The following PIH1D1 variants were observed in gnomAD, a reference collection of about 807,000 sequenced individuals.
The protein encoded by PIH1D1 is PIH1 domain-containing protein 1.
PIH1D1 carries 28 observed loss-of-function variants against 38.5 expected under a neutral mutation model. The observed-to-expected ratio is 0.73, with a 90% CI of 0.54 to 1.00. PIH1D1 has a LOEUF of 1.00. PIH1D1 is among the 50% of genes least tolerant of loss of function. The pLI is 0.00. For synonymous variants in PIH1D1, 155 were observed against 153.5 expected (o/e 1.01, Z -0.07); for missense variants, 343 against 369.9 (o/e 0.93, Z 0.60).
chr19:49,447,755 CCT>C (rs770503274), intron 5 of PIH1D1, 70 bp downstream of exon 5: 138 of 1,480,382 alleles, frequency 9.3e-5, no homozygotes, highest in Non-Finnish European at 1.2e-4. Context: ...GCCAGCCCCT[CCT>C]CTCCTAGGGG....
chr19:49,451,020 CATTTCTTT>C, intron 1 of PIH1D1, 172 bp from the exon 2 acceptor site: 1 of 1,129,748 alleles, frequency 8.9e-7, no homozygotes, highest in Non-Finnish European at 1.2e-6. Flanking sequence ...ACCCCATTCC[CATTTCTTT>C]TTTTTTTTTT....
chr19:49,451,302 T>C (rs565280792), intron 1 of PIH1D1, 183 bp downstream of exon 1: 3 of 757,104 alleles, frequency 4.0e-6, no homozygotes, highest in Non-Finnish European at 6.3e-6. Flanking sequence ...GTGGTGGGAT[T>C]ACAGGTGTGA....
At chr19:49,449,686 T>G in intron 2 of PIH1D1, 32 bp from the exon 3 acceptor site, 1 of 1,578,090 alleles carries the variant, frequency 6.3e-7, no homozygotes, top group Non-Finnish European at 8.7e-7. Flanking sequence ...TGACAATCCT[T>G]TTCTGCACAA....
Position 49,447,025 on chromosome 19 carries a change from A to G in PIH1D1, c.686T>C (p.Leu229Pro). The change falls in exon 7 of 9, where the codon CTG becomes CCG. Residue 229 changes from leucine (L) to proline (P), a missense_variant and splice_region_variant. By Grantham distance (98) the Leu-to-Pro change is moderately conservative (BLOSUM62 -3). Coordinates refer to ENST00000262265, the MANE Select transcript of PIH1D1 (RefSeq NM_017916.3). ...LLLAEVDLPK[L>P]DGALGLSLEI... Reference sequence around the variant, plus strand: ...TCTGGTCCAGCGCGCAAAACTCACCAGTTTGGGGAGGTCAACTTCGGCCAA... The same window carrying G: ...TCTGGTCCAGCGCGCAAAACTCACCGGTTTGGGGAGGTCAACTTCGGCCAA... 1 of 1,612,744 alleles carries G rather than the reference A, an allele frequency of 6.2e-7. No homozygotes were observed. The highest frequency in any genetic ancestry group is 8.5e-7 in the Non-Finnish European group (1 of 1,178,986).
At chr19:49,448,201 T>C (rs1209314159) in intron 3 of PIH1D1, 139 bp from the exon 4 acceptor site, 2 of 819,058 alleles carry the variant, frequency 2.4e-6, no homozygotes, top group Non-Finnish European at 4.0e-6. Flanking sequence ...AGCTGGGCAC[T>C]CACTTTCCGC....
chr19:49,450,915 A>G, intron 1 of PIH1D1, 67 bp from the exon 2 acceptor site: 2 of 1,611,444 alleles, frequency 1.2e-6, no homozygotes, highest in Non-Finnish European at 1.7e-6. Context: ...TGTTCCTCAA[A>G]TGGAGCAATT....
In PIH1D1 at chr19:49,451,783, C is replaced by T; in HGVS notation, c.-209G>A. ...TGGGGAATATGTGTCTCTAGACGCA[C>T]TACCCTCCGTCCTACGTGCCGAACT... On this transcript the variant is annotated 5_prime_UTR_variant, in exon 1 of 9. It adds an upstream start codon to the 5' untranslated region. Coordinates refer to ENST00000262265, the MANE Select transcript of PIH1D1 (RefSeq NM_017916.3). 1 of 1,380,356 alleles carries T rather than the reference C, an allele frequency of 7.2e-7. No homozygotes were observed. The allele number at this position is 1,380,356 out of a possible 1,614,324, so 85.5% of individuals were successfully genotyped here.
intron 4 of PIH1D1, 34 bp downstream of exon 4, chr19:49,447,967 C>G (rs1462491479): frequency 1.2e-6 from 2 of 1,613,960 alleles, no homozygotes; most frequent in Admixed American, 3.3e-5. Context: ...GTAGAGACCC[C>G]TGCCCAGGCC....
rs1191484494 is a variant in PIH1D1 at position 49,450,943 on chromosome 19, T to C, written c.91-95A>G. 3 of 1,601,262 alleles carry C rather than the reference T, an allele frequency of 1.9e-6. No homozygotes were observed. The African/African-American group carries it at 4.0e-5, about 21-fold the overall frequency. On this transcript the variant is annotated intron_variant, in intron 1 of 8. Transcript: ENST00000262265. ...GAGCAATTCTTATGCATGAGAGCTG[T>C]GGATAACGCGAGAAATTAGACGGTT... is the stretch of plus-strand genomic sequence containing the variant.
At position 49,446,662 on chromosome 19, in the gene PIH1D1, C is replaced by T; in HGVS notation, c.720G>A (p.Gly240=). Residue 240 remains glycine (G), a synonymous_variant, in exon 8 of 9, where the codon GGG becomes GGA. Transcript: ENST00000262265. ...DGALGLSLEI[G]ENRLVMGGPQ... is the part of the protein sequence containing the mutation. ...GGCCCCCCATCACCAGGCGGTTCTCCCCGATCTCCAGCGACAGCCCCAGGG... is the reference window on the plus strand; with the variant it reads ...GGCCCCCCATCACCAGGCGGTTCTCTCCGATCTCCAGCGACAGCCCCAGGG... The T allele has an allele frequency of 6.3e-7, 1 of 1,589,136 alleles. No homozygotes were observed. Among genetic ancestry groups the T allele is most frequent in the East Asian group, 2.2e-5 (1 of 44,626 alleles).
At position 49,446,298 on chromosome 19, in the gene PIH1D1, C is replaced by T; in HGVS notation, c.*84G>A. 1 of 779,196 alleles carries T rather than the reference C, an allele frequency of 1.3e-6. No individual in the cohort carries two copies. Among genetic ancestry groups the T allele is most frequent in the East Asian group, 2.4e-5 (1 of 41,210 alleles). 48.3% of individuals were successfully genotyped at this position (779,196 alleles called of 1,614,324 possible). ...CACATATCCCCAGTCAGAGACAGAACAAAGGCAAAAATCTTTTATTTCAAC... is the reference window on the plus strand; with the variant it reads ...CACATATCCCCAGTCAGAGACAGAATAAAGGCAAAAATCTTTTATTTCAAC... On this transcript the variant is annotated 3_prime_UTR_variant, in exon 9 of 9. Coordinates refer to ENST00000262265, the MANE Select transcript of PIH1D1 (RefSeq NM_017916.3).
intron 2 of PIH1D1, 126 bp downstream of exon 2, chr19:49,450,656 G>T (rs1601004686): frequency 1.2e-6 from 1 of 864,750 alleles, no homozygotes; most frequent in Non-Finnish European, 1.8e-6. Context: ...GTCCTAGGAT[G>T]ATCTCTGTGG....
intron 1 of PIH1D1, 69 bp downstream of exon 1, chr19:49,451,416 C>T (rs1239691398): frequency 1.9e-6 from 3 of 1,599,984 alleles, no homozygotes; most frequent in Non-Finnish European, 2.6e-6. Flanking sequence ...CTGGGAACTG[C>T]AGTCCCATCT....
intron 3 of PIH1D1, chr19:49,448,482 A>C: frequency 4.2e-6 from 1 of 239,180 alleles, no homozygotes; most frequent in Non-Finnish European, 8.4e-6. Context: ...CAATCCAATC[A>C]TTCTCTCCCA....
Position 49,447,882 on chromosome 19 carries a change from C to A in PIH1D1, c.426G>T (p.Val142=), listed in dbSNP as rs898971120. The A allele has an allele frequency of 1.2e-6, 2 of 1,614,198 alleles. No individual in the cohort carries two copies. Among genetic ancestry groups the A allele is most frequent in the Admixed American group, 3.3e-5 (2 of 60,028 alleles). Reference sequence around the variant, plus strand: ...CAAGGCCCTCCCTGGCGATGGTGATCACGAGCTCCCGCAAGAAATCGCTGT... The same window carrying A: ...CAAGGCCCTCCCTGGCGATGGTGATAACGAGCTCCCGCAAGAAATCGCTGT... The part of the protein sequence containing the change: ...MQNSDFLREL[V]ITIAREGLED... Residue 142 remains valine, a synonymous_variant, in exon 5 of 9, where the codon GTG becomes GTT. Coordinates refer to ENST00000262265, the MANE Select transcript of PIH1D1 (RefSeq NM_017916.3).
chr19:49,451,484 C>A lies in PIH1D1; in HGVS notation c.90+1G>T. On this transcript the variant is annotated splice_donor_variant, in intron 1 of 8. Coordinates refer to ENST00000262265, the MANE Select transcript of PIH1D1 (RefSeq NM_017916.3). LOFTEE classifies it high-confidence loss of function. ...AGGATCCAGGGGTCCGGTCACTGCACCTGCAGCAGCAGCTCCTCAAATCGC... is the reference window on the plus strand; with the variant it reads ...AGGATCCAGGGGTCCGGTCACTGCAACTGCAGCAGCAGCTCCTCAAATCGC... The A allele has an allele frequency of 6.2e-7, 1 of 1,613,778 alleles. No homozygotes were observed. Among genetic ancestry groups the A allele is most frequent in the Non-Finnish European group, 8.5e-7 (1 of 1,179,964 alleles).
chr19:49,449,579 G>C lies in PIH1D1; in HGVS notation c.233C>G (p.Pro78Arg). Residue 78 changes from proline to arginine, a missense_variant, in exon 3 of 9, where the codon CCC (proline) becomes CGC (arginine). Physicochemically the swap from Pro to Arg is moderately radical, Grantham distance 103. Transcript: ENST00000262265. The part of the protein sequence containing the change: ...NICHSPSIPP[P>R]ADVTEEELLQ... ...CAGCTCCTCCTCGGTCACGTCGGCG[G>C]GAGGAGGGATAGAGGGGGAGTGGCA... is the stretch of plus-strand genomic sequence containing the variant. 6.2e-7 allele frequency: 1 copy of C among 1,614,182 alleles called. No homozygotes were observed. Among genetic ancestry groups the C allele is most frequent in the Non-Finnish European group, 8.5e-7 (1 of 1,180,022 alleles).
chr19:49,451,763 A>C lies in PIH1D1; in HGVS notation c.-189T>G. The stretch of plus-strand genomic sequence containing the variant: ...GAACACCATCGTCAAATCCGTGGGG[A>C]ATATGTGTCTCTAGACGCACTACCC... On this transcript the variant is annotated 5_prime_UTR_variant, in exon 1 of 9. In the 5' UTR this introduces an upstream ATG that the reference lacks. Coordinates refer to ENST00000262265, the MANE Select transcript of PIH1D1 (RefSeq NM_017916.3). 1 of 1,410,800 alleles carries C rather than the reference A, an allele frequency of 7.1e-7. No individual in the cohort carries two copies. 87.4% of individuals were successfully genotyped at this position (1,410,800 alleles called of 1,614,324 possible).
rs773077831 is a variant in PIH1D1, at chr19:49,446,584, A to C, written c.798T>G (p.His266Gln). The stretch of plus-strand genomic sequence containing the variant: ...TCCGGTGGAAGGCTGCCTTGCTCTC[A>C]TGAGAGTTGATCTGCAGCGGGATAT... ...DAYIPLQINS[H>Q]ESKAAFHRKR... Residue 266 changes from histidine (H) to glutamine (Q), a missense_variant, in exon 8 of 9, where the codon CAT (histidine) becomes CAG (glutamine). Physicochemically the swap from His to Gln is conservative, Grantham distance 24. Transcript: ENST00000262265. 1.1e-5 allele frequency: 17 copies of C among 1,613,430 alleles called. No individual in the cohort carries two copies. The highest frequency in any genetic ancestry group is 2.2e-5 in the South Asian group (2 of 91,048).
Sources: gnomAD v4.1 joint callset for allele counts on GRCh38, gnomAD v4.1.1 for gene constraint, MANE v1.5 for transcripts, NCBI Gene and HGNC (gene_info 2026-07-23, HGNC 2026-07-21) for gene names.